The following COL6A2 variants were observed in gnomAD, a reference collection of about 807,000 sequenced individuals.
COL6A2 encodes collagen type VI alpha 2 chain, also known as collagen alpha-2(VI) chain.
Under a neutral mutation model 124.9 loss-of-function variants are expected in COL6A2, and 90 were observed. That is an observed-to-expected ratio of 0.72 (90% confidence interval 0.61 to 0.86). COL6A2 has a LOEUF of 0.86. COL6A2 is among the 40% of genes least tolerant of loss of function. COL6A2 has a pLI of 0.00. For synonymous variants in COL6A2, 793 were observed against 618.2 expected (o/e 1.28, Z -4.19); for missense variants, 1,607 against 1,502.5 (o/e 1.07, Z -1.15).
At chr21:46,113,011 T>G (rs2078426326) in intron 4 of COL6A2, 187 bp downstream of exon 4, 2 of 729,894 alleles carry the variant, frequency 2.7e-6, no homozygotes, top group Middle Eastern at 3.4e-4. Context: ...CTAGGCTGTT[T>G]AGATCCCGTG....
At chr21:46,129,334 A>G in intron 27 of COL6A2, 1 of 1,612,596 alleles carries the variant, frequency 6.2e-7, no homozygotes. Flanking sequence ...CCGGCCGCCT[A>G]CTCCCAGCTG....
At chr21:46,108,534 T>C (rs1478021709) in intron 1 of COL6A2, among the ~76,000 whole-genome samples, 1 of 152,252 alleles carries the variant, frequency 6.6e-6, no homozygotes, top group African/African-American at 2.4e-5. Flanking sequence ...GTATATCCTT[T>C]ATAGAGTTAA....
intron 26 of COL6A2, 86 bp from the exon 27 acceptor site, chr21:46,126,417 G>C: frequency 6.3e-7 from 1 of 1,583,154 alleles, no homozygotes; most frequent in South Asian, 1.1e-5. Flanking sequence ...TGCACCCTGA[G>C]CCTGTCTAGG....
At chr21:46,120,813 C>T (rs563374348) in intron 16 of COL6A2, among the ~76,000 whole-genome samples, 44 of 151,958 alleles carry the variant, frequency 2.9e-4, no homozygotes, top group African/African-American at 1.0e-3. Context: ...AAGTAGGGGA[C>T]CCAGGTGAGG....
intron 21 of COL6A2, among the ~76,000 whole-genome samples, 165 bp from the exon 22 acceptor site, chr21:46,124,486 C>T (rs2078627918): frequency 1.3e-5 from 2 of 152,048 alleles, no homozygotes. Flanking sequence ...GCTCTGGTGC[C>T]AGCATAGGGA....
intron 24 of COL6A2, 65 bp downstream of exon 24, chr21:46,125,376 G>A: frequency 6.2e-7 from 1 of 1,604,908 alleles, no homozygotes; most frequent in Middle Eastern, 1.7e-4. Context: ...GTGCAGCAGG[G>A]CTGGGTCATC....
intron 19 of COL6A2, 79 bp downstream of exon 19, chr21:46,122,237 C>T (rs2078578344): frequency 1.3e-6 from 2 of 1,487,986 alleles, no homozygotes; most frequent in South Asian, 1.2e-5. Context: ...CTAGTAGTTC[C>T]CTCAAGGCCT....
In COL6A2 at chr21:46,116,971, G is replaced by A. The variant is rs1175920547; in HGVS notation, c.999+157G>A. Among the ~76,000 whole-genome samples the A allele has an allele frequency of 1.3e-5, 2 of 148,604 alleles. No homozygotes were observed. Among genetic ancestry groups the A allele is most frequent in the Non-Finnish European group, 3.0e-5 (2 of 67,154 alleles). ...CACACACACACGAACTTCAGCTCCT[G>A]CCACATCCCACTGCCCCACCCAGGG... On this transcript the variant is annotated intron_variant, in intron 10 of 27. Transcript: ENST00000300527. The surrounding 1 kb of genome is among the most constrained non-coding windows in gnomAD (Gnocchi z 4.6).
chr21:46,098,351 C>T (rs975623043), intron 1 of COL6A2, among the ~76,000 whole-genome samples, 178 bp downstream of exon 1: 1 of 151,620 alleles, frequency 6.6e-6, no homozygotes, highest in African/African-American at 2.4e-5. Context: ...GGGCTGGGGC[C>T]GCGCCTGCCC....
chr21:46,118,907 C>T (rs1486025670), intron 13 of COL6A2, 123 bp from the exon 14 acceptor site: 1 of 969,824 alleles, frequency 1.0e-6, no homozygotes, highest in East Asian at 2.6e-5. Flanking sequence ...GCAGGGCCCC[C>T]ATGTGCCTGG....
rs373827796 is a variant in COL6A2 at position 46,129,158 on chromosome 21, C to T, written c.2461+2617C>T. On this transcript the variant is annotated intron_variant, in intron 27 of 27. Transcript: ENST00000300527. ...GGAGGAGCTCTAGGCCGACGCCCACCGCAGGCCTTACAGTCTTCTCTGGAC... is the reference window on the plus strand; with the variant it reads ...GGAGGAGCTCTAGGCCGACGCCCACTGCAGGCCTTACAGTCTTCTCTGGAC... 1.7e-5 allele frequency: 28 copies of T among 1,612,228 alleles called. No homozygotes were observed. In the African/African-American group the frequency reaches 2.0e-4, roughly 12 times the overall value.
At position 46,117,882 on chromosome 21, in the gene COL6A2, C is replaced by A. The variant is rs780651079; in HGVS notation, c.1062C>A (p.Asp354Glu). The A allele has an allele frequency of 6.2e-7, 1 of 1,611,930 alleles. No individual in the cohort carries two copies. The highest frequency in any genetic ancestry group is 1.7e-5 in the Admixed American group (1 of 59,882). The change falls in exon 12 of 28, where the codon GAC (aspartate) becomes GAA (glutamate). Residue 354 changes from aspartate to glutamate, a missense_variant. Physicochemically the swap from Asp to Glu is conservative, Grantham distance 45. Transcript: ENST00000300527. ...TCTCACTCCTCTCTCAGGGCCCCGA[C>A]GGTTACCCGGGGGAAGCAGGGAGTC... ...CKGDPGNRGP[D>E]GYPGEAGSPG...
intron 27 of COL6A2, among the ~76,000 whole-genome samples, chr21:46,131,072 C>G (rs2078754279): frequency 6.6e-6 from 1 of 152,194 alleles, no homozygotes; most frequent in Non-Finnish European, 1.5e-5. Flanking sequence ...GGTCCATGTA[C>G]CAGCTGTGAC....
Position 46,132,204 on chromosome 21 carries a change from G to C in COL6A2, c.2712G>C (p.Ala904=). ...ACAACCTCACGGCCATCCACGAGGC[G>C]CTGGAGACCACACAATACCTGAACT... is the stretch of plus-strand genomic sequence containing the variant. ...LSHNLTAIHE[A]LETTQYLNSF... Residue 904 remains alanine (A), a synonymous_variant, in exon 28 of 28, where the codon GCG becomes GCC. Coordinates refer to ENST00000300527, the MANE Select transcript of COL6A2 (RefSeq NM_001849.4). 3 of 1,584,632 alleles carry C rather than the reference G, an allele frequency of 1.9e-6. No homozygotes were observed. The highest frequency in any genetic ancestry group is 2.6e-6 in the Non-Finnish European group (3 of 1,166,744).
rs1322511970 is a variant in COL6A2 at position 46,125,537 on chromosome 21, A to G, written c.1889A>G (p.Asn630Ser). The G allele has an allele frequency of 1.2e-5, 20 of 1,612,928 alleles. No homozygotes were observed. The highest frequency in any genetic ancestry group is 1.6e-4 in the Middle Eastern group (1 of 6,062). ...AGCTCCGAGAGCATTGGGTACACCA[A>G]CTTCACACTGGAGAAGAACTTCGTC... Reference protein sequence around the residue: ...IDSSESIGYTNFTLEKNFVIN... With the variant: ...IDSSESIGYTSFTLEKNFVIN... Residue 630 changes from asparagine (N) to serine (S), a missense_variant, in exon 25 of 28, where the codon AAC becomes AGC. Asn to Ser is a conservative substitution (Grantham distance 46). Transcript: ENST00000300527.
rs1041195438 is a variant in COL6A2, at chr21:46,114,267, A to G, written c.801+194A>G. On this transcript the variant is annotated intron_variant, in intron 5 of 27. Transcript: ENST00000300527. Reference sequence around the variant, plus strand: ...TGGTGAAACCCTGTCTCTACTAAAAATACAAAAATTAGCCGGGCGTAGTGG... The same window carrying G: ...TGGTGAAACCCTGTCTCTACTAAAAGTACAAAAATTAGCCGGGCGTAGTGG... Among the ~76,000 whole-genome samples the G allele has an allele frequency of 2.0e-5, 3 of 152,110 alleles. No individual in the cohort carries two copies. In the South Asian group the frequency reaches 6.2e-4, roughly 32 times the overall value.
chr21:46,114,667 A>G (rs1366587284), intron 5 of COL6A2, among the ~76,000 whole-genome samples: 3 of 152,242 alleles, frequency 2.0e-5, no homozygotes, highest in African/African-American at 7.2e-5. Context: ...GCTCATTAAT[A>G]TGAAGGAACC....
At chr21:46,120,384 G>C in intron 15 of COL6A2, 131 bp from the exon 16 acceptor site, 1 of 701,054 alleles carries the variant, frequency 1.4e-6, no homozygotes, top group Non-Finnish European at 2.4e-6. Flanking sequence ...ACTGTTGCAG[G>C]TCCCCCGGGA....
chr21:46,115,779 G>A (rs921092672), intron 5 of COL6A2, 93 bp from the exon 6 acceptor site: 25 of 1,150,094 alleles, frequency 2.2e-5, no homozygotes, highest in African/African-American at 3.0e-5. Flanking sequence ...AGTAACCTCT[G>A]CTGTGTCACC....
Sources: gnomAD v4.1 joint callset for allele counts (sites outside exome capture counted in the v4.1 genomes callset) on GRCh38, gnomAD v4.1.1 for gene constraint, Gnocchi (gnomAD v3.1) non-coding constraint, MANE v1.5 for transcripts, NCBI Gene and HGNC (gene_info 2026-07-23, HGNC 2026-07-21) for gene names.